Variants in CCDC171 observed in about 807,000 individuals in gnomAD.
The protein encoded by CCDC171 is coiled-coil domain-containing protein 171.
A neutral mutation model predicts 168.2 loss-of-function variants in CCDC171; 177 were observed. The observed-to-expected ratio is 1.05, with a 90% CI of 0.93 to 1.19. The LOEUF (loss-of-function observed/expected upper bound fraction) is 1.19, where lower values mean the gene tolerates loss of function less well. Ranked by LOEUF, CCDC171 falls within the 50% of genes most tolerant of loss-of-function variation. The pLI is 0.00. For synonymous variants in CCDC171, 687 were observed against 540.8 expected, an observed-to-expected ratio of 1.27 and a Z score of -3.75; for missense variants, 1,991 against 1,539.0, an observed-to-expected ratio of 1.29 and a Z score of -4.91.
chr9:15,905,795 A>G (rs1349378543), intron 24 of CCDC171, among the ~76,000 whole-genome samples: 2 of 152,328 alleles, frequency 1.3e-5, no homozygotes, highest in East Asian at 1.9e-4. Context: ...TAAAGAAGAA[A>G]AGAGAGAAGA....
chr9:15,812,666 G>A (rs1220515969), intron 21 of CCDC171, among the ~76,000 whole-genome samples: 2 of 152,128 alleles, frequency 1.3e-5, no homozygotes, highest in Non-Finnish European at 2.9e-5. Flanking sequence ...GAGCAGTAGA[G>A]AACAGGTTCT....
chr9:15,576,588 T>C (rs2040685404), intron 3 of CCDC171, among the ~76,000 whole-genome samples: 3 of 152,122 alleles, frequency 2.0e-5, no homozygotes, highest in African/African-American at 7.2e-5. Flanking sequence ...TGTTCTTAAG[T>C]GTTTGTATTA....
intron 14 of CCDC171, among the ~76,000 whole-genome samples, chr9:15,727,191 C>T (rs899297503): frequency 2.6e-5 from 4 of 152,110 alleles, no homozygotes; most frequent in Admixed American, 2.6e-4. Context: ...TAAACACCTA[C>T]AAATGCCCAG....
chr9:15,651,652 TC>T (rs1191257979), intron 7 of CCDC171, among the ~76,000 whole-genome samples: 1 of 152,136 alleles, frequency 6.6e-6, no homozygotes. Flanking sequence ...GACCTCTAGT[TC>T]CATTCATATT....
At chr9:15,831,215 G>C (rs566570950) in intron 21 of CCDC171, among the ~76,000 whole-genome samples, 1 of 151,584 alleles carries the variant, frequency 6.6e-6, no homozygotes, top group African/African-American at 2.4e-5. Context: ...CTTGTGATCC[G>C]GCTGCCTCGG....
intron 3 of CCDC171, among the ~76,000 whole-genome samples, chr9:15,990,046 G>T (rs1422716170): frequency 6.6e-6 from 1 of 152,092 alleles, no homozygotes; most frequent in Non-Finnish European, 1.5e-5. Flanking sequence ...TAGCAAGGCA[G>T]GCCAACATTC....
At chr9:15,792,487 T>C (rs1263542109) in intron 21 of CCDC171, among the ~76,000 whole-genome samples, 2 of 152,018 alleles carry the variant, frequency 1.3e-5, no homozygotes, top group Non-Finnish European at 2.9e-5. Context: ...ACAAAGATAC[T>C]CCTTGAGAAG....
intron 20 of CCDC171, 24 bp downstream of exon 20, chr9:15,779,174 C>G (rs760614142): frequency 1.4e-4 from 192 of 1,365,572 alleles, no homozygotes; most frequent in Non-Finnish European, 1.4e-4. Flanking sequence ...ATTTAGGAAA[C>G]TGTTGCTTTG....
chr9:15,759,468 CT>C (rs2056327925), intron 18 of CCDC171, among the ~76,000 whole-genome samples: 1 of 152,156 alleles, frequency 6.6e-6, no homozygotes, highest in Non-Finnish European at 1.5e-5. Flanking sequence ...TCCCATTAAA[CT>C]TTCCCTAGTT....
chr9:15,793,137 A>T (rs1448293766), intron 21 of CCDC171, among the ~76,000 whole-genome samples: 1 of 152,114 alleles, frequency 6.6e-6, no homozygotes, highest in Non-Finnish European at 1.5e-5. Flanking sequence ...AGATCTACCA[A>T]GCAAATGGAA....
At chr9:15,872,621 G>T (rs539601388) in intron 23 of CCDC171, among the ~76,000 whole-genome samples, 2 of 152,064 alleles carry the variant, frequency 1.3e-5, no homozygotes, top group Admixed American at 1.3e-4. Context: ...GACTTTCAAA[G>T]CTAATAGTAT....
intron 7 of CCDC171, among the ~76,000 whole-genome samples, chr9:15,630,902 A>T (rs2045626706): frequency 6.6e-6 from 1 of 152,236 alleles, no homozygotes; most frequent in Admixed American, 6.5e-5. Context: ...GAAACTGAAC[A>T]ACCTGCTCCT....
At chr9:16,088,395 A>G in the CCDC171 span, among the ~76,000 whole-genome samples, 1 of 152,206 alleles carries the variant, frequency 6.6e-6, no homozygotes, top group African/African-American at 2.4e-5. Context: ...AGAAAGAAAT[A>G]AATGTATTCA....
chr9:15,806,299 G>A (rs566017392), intron 21 of CCDC171, among the ~76,000 whole-genome samples: 4 of 151,808 alleles, frequency 2.6e-5, no homozygotes, highest in African/African-American at 4.8e-5. Flanking sequence ...GTTATTTTTC[G>A]GACTCGTTTA....
intron 11 of CCDC171, among the ~76,000 whole-genome samples, chr9:15,700,238 G>C (rs1334646159): frequency 6.6e-6 from 1 of 152,232 alleles, no homozygotes; most frequent in Non-Finnish European, 1.5e-5. Context: ...CCGGTGGGCT[G>C]GCACTGCTGG....
intron 24 of CCDC171, among the ~76,000 whole-genome samples, chr9:15,881,230 C>T (rs1025753807): frequency 6.6e-6 from 1 of 152,094 alleles, no homozygotes; most frequent in Non-Finnish European, 1.5e-5. Flanking sequence ...TCAAAATTTC[C>T]TGAGTAGAGC....
chr9:15,869,566 T>C (rs2061942473), intron 23 of CCDC171, among the ~76,000 whole-genome samples: 1 of 151,506 alleles, frequency 6.6e-6, no homozygotes, highest in African/African-American at 2.4e-5. Context: ...ACAGAGTATA[T>C]GGTTAACTCT....
At chr9:15,859,652 G>T (rs1222617520) in intron 23 of CCDC171, among the ~76,000 whole-genome samples, 1 of 116,646 alleles carries the variant, frequency 8.6e-6, no homozygotes, top group Non-Finnish European at 1.7e-5. Context: ...GTTTTGTTTT[G>T]TTTTGTTTTG....
intron 13 of CCDC171, among the ~76,000 whole-genome samples, chr9:15,724,561 G>A (rs1056603096): frequency 9.9e-5 from 15 of 152,148 alleles, no homozygotes; most frequent in Non-Finnish European, 1.5e-4. Flanking sequence ...TTATGTAAAT[G>A]TTTAAACATA....
Sources: gnomAD v4.1 joint callset for allele counts (sites outside exome capture counted in the v4.1 genomes callset) on GRCh38, gnomAD v4.1.1 for gene constraint, MANE v1.5 for transcripts, NCBI Gene and HGNC (gene_info 2026-07-23, HGNC 2026-07-21) for gene names.